The following KATNIP variants were observed in gnomAD, a reference collection of about 807,000 sequenced individuals.
The protein encoded by KATNIP is katanin interacting protein, also known as katanin-interacting protein.
Under a neutral mutation model 174.0 loss-of-function variants are expected in KATNIP, and 126 were observed. That is an observed-to-expected ratio of 0.72 (90% CI 0.63 to 0.84). KATNIP has a LOEUF of 0.84. Among genes scored for constraint, KATNIP ranks in the 40% least tolerant of loss-of-function variants. KATNIP has a pLI of 0.00. For missense variants in KATNIP, 1,958 were observed against 2,109.7 expected (o/e 0.93, Z 1.41); for synonymous variants, 810 against 835.7 (o/e 0.97, Z 0.53).
At chr16:27,648,988 C>T (rs1265420366) in intron 6 of KATNIP, among the ~76,000 whole-genome samples, 1 of 152,160 alleles carries the variant, frequency 6.6e-6, no homozygotes, top group Non-Finnish European at 1.5e-5. Flanking sequence ...AGCACATAGT[C>T]CCTGTACAGG....
At chr16:27,582,162 A>C (rs1596794590) in intron 2 of KATNIP, among the ~76,000 whole-genome samples, 1 of 152,300 alleles carries the variant, frequency 6.6e-6, no homozygotes, top group South Asian at 2.1e-4. Context: ...ACTAGCGCGC[A>C]AACTGCAGAT....
chr16:27,751,685 AG>A, intron 16 of KATNIP, 33 bp from the exon 17 acceptor site: 2 of 1,602,036 alleles, frequency 1.2e-6, no homozygotes, highest in Non-Finnish European at 1.7e-6. Context: ...ATGTGAAGTG[AG>A]TTGACCTTTC....
chr16:27,763,610 G>T (rs1437972898), intron 19 of KATNIP, among the ~76,000 whole-genome samples: 3 of 129,328 alleles, frequency 2.3e-5, no homozygotes, highest in East Asian at 2.2e-4. Flanking sequence ...GCGGGACCCT[G>T]TCTCAACACA....
chr16:27,661,518 A>G (rs981133166), intron 6 of KATNIP, among the ~76,000 whole-genome samples: 29 of 151,340 alleles, frequency 1.9e-4, no homozygotes, highest in African/African-American at 6.8e-4. Flanking sequence ...CAGCCTCCCA[A>G]GTAGCTGGGA....
intron 1 of KATNIP, among the ~76,000 whole-genome samples, chr16:27,573,354 C>T (rs1411912327): frequency 2.6e-5 from 4 of 152,232 alleles, no homozygotes; most frequent in Admixed American, 6.5e-5. Context: ...TGAATTTATG[C>T]ACACCTTCAA....
chr16:27,666,957 G>A (rs527302928), intron 6 of KATNIP, among the ~76,000 whole-genome samples: 1 of 152,284 alleles, frequency 6.6e-6, no homozygotes, highest in African/African-American at 2.4e-5. Flanking sequence ...CCGTAAGTCT[G>A]TCTTGTTCAT....
chr16:27,664,047 A>G (rs2077608913), intron 6 of KATNIP, among the ~76,000 whole-genome samples: 1 of 152,078 alleles, frequency 6.6e-6, no homozygotes, highest in South Asian at 2.1e-4. Flanking sequence ...CCTGGCCTTG[A>G]GCAGTCCTCC....
At chr16:27,597,648 T>G (rs1298848214) in intron 2 of KATNIP, among the ~76,000 whole-genome samples, 2 of 152,160 alleles carry the variant, frequency 1.3e-5, no homozygotes, top group Non-Finnish European at 2.9e-5. Flanking sequence ...TCCATTCTTC[T>G]CAGGCACCTG....
rs3056269 is a variant in KATNIP at position 27,572,362 on chromosome 16, A to AACACACACACACAC, written c.8-1515_8-1502dup. The stretch of plus-strand genomic sequence containing the variant: ...TTCTTTGTCTTAAGGCAAAAAAGAA[A>AACACACACACACAC]ACACACACACACACACACACACACA... On this transcript the variant is annotated intron_variant, in intron 1 of 27. Coordinates refer to ENST00000261588, the MANE Select transcript of KATNIP (RefSeq NM_015202.5). 9.1e-3 allele frequency among the ~76,000 whole-genome samples: 1,259 copies of AACACACACACACAC among 138,120 alleles called. 9 individuals are homozygous for AACACACACACACAC. The highest frequency in any genetic ancestry group is 0.013 in the East Asian group (61 of 4,590). 90.6% of individuals were successfully genotyped at this position (138,120 alleles called of 152,430 possible).
intron 2 of KATNIP, among the ~76,000 whole-genome samples, chr16:27,600,456 T>A (rs2075479415): frequency 6.6e-6 from 1 of 152,160 alleles, no homozygotes; most frequent in Non-Finnish European, 1.5e-5. Flanking sequence ...ATACCTGGGA[T>A]GTCAGAAGCA....
At chr16:27,668,603 C>G (rs566223519) in intron 6 of KATNIP, among the ~76,000 whole-genome samples, 1 of 152,332 alleles carries the variant, frequency 6.6e-6, no homozygotes, top group African/African-American at 2.4e-5. Flanking sequence ...GGTCATTCCT[C>G]CATACCCTGG....
At chr16:27,734,737 C>T (rs931512749) in intron 14 of KATNIP, among the ~76,000 whole-genome samples, 8 of 152,118 alleles carry the variant, frequency 5.3e-5, no homozygotes, top group Admixed American at 5.2e-4. Flanking sequence ...GGGCTCAGAG[C>T]TCCACCGGTA....
At chr16:27,735,340 C>T (rs1012558499) in intron 14 of KATNIP, among the ~76,000 whole-genome samples, 4 of 152,332 alleles carry the variant, frequency 2.6e-5, no homozygotes, top group East Asian at 3.9e-4. Context: ...TTGTGGAAGC[C>T]GGCCACCCTA....
chr16:27,636,735 C>T (rs1188931864), intron 5 of KATNIP, among the ~76,000 whole-genome samples: 2 of 151,762 alleles, frequency 1.3e-5, no homozygotes, highest in Non-Finnish European at 1.5e-5. Context: ...GAGCTGTGCA[C>T]CCCAGACCTG....
chr16:27,556,893 A>G (rs759771174), intron 1 of KATNIP, among the ~76,000 whole-genome samples: 1 of 152,132 alleles, frequency 6.6e-6, no homozygotes, highest in Admixed American at 6.6e-5. Flanking sequence ...TCTTGTTCCA[A>G]TCCTTCTATC....
At chr16:27,701,518 C>T (rs1269121387) in intron 10 of KATNIP, 71 bp from the exon 11 acceptor site, 16 of 1,212,828 alleles carry the variant, frequency 1.3e-5, no homozygotes, top group East Asian at 2.6e-5. Context: ...TGCCCTTGAC[C>T]GTGACCCTGC....
At chr16:27,767,815 G>A (rs1359720114) in intron 20 of KATNIP, among the ~76,000 whole-genome samples, 1 of 152,204 alleles carries the variant, frequency 6.6e-6, no homozygotes, top group East Asian at 1.9e-4. Flanking sequence ...GCTCCTCTGA[G>A]CAGGCCGGTC....
chr16:27,761,431 C>T lies in KATNIP; in HGVS notation c.3650C>T (p.Thr1217Ile), dbSNP rs746612579. The T allele has an allele frequency of 6.2e-7, 1 of 1,609,042 alleles. No homozygotes were observed. Among genetic ancestry groups the T allele is most frequent in the South Asian group, 1.1e-5 (1 of 90,846 alleles). The change falls in exon 19 of 28, where the codon ACT becomes ATT. Residue 1217 changes from threonine to isoleucine, a missense_variant. This residue lies in a region of KATNIP where 1,557 missense variants were observed against 1,617.8 expected (regional missense o/e 0.96). Transcript: ENST00000261588. ...GTTGCAGGCCTTCAGCTGAATTTCA[C>T]TGCCTCCTGGGGAGACTTGCACTAC... is the stretch of plus-strand genomic sequence containing the variant. Reference protein sequence around the residue: ...YHGICLQLNFTASWGDLHYLG... With the variant: ...YHGICLQLNFIASWGDLHYLG...
At chr16:27,763,707 C>T (rs2082031342) in intron 19 of KATNIP, among the ~76,000 whole-genome samples, 1 of 152,048 alleles carries the variant, frequency 6.6e-6, no homozygotes, top group Non-Finnish European at 1.5e-5. Flanking sequence ...AGTCCCCACA[C>T]CCACCCTTTT....
Sources: allele counts gnomAD v4.1 joint callset (sites outside exome capture counted in the v4.1 genomes callset), GRCh38; gene constraint gnomAD v4.1.1; regional missense constraint gnomAD v4.1.1; transcripts MANE v1.5; gene names NCBI Gene and HGNC (gene_info 2026-07-23, HGNC 2026-07-21).